Variants in CCSER1 observed in about 807,000 individuals in gnomAD.
CCSER1 encodes coiled-coil serine rich protein 1, also known as serine-rich coiled-coil domain-containing protein 1.
A neutral mutation model predicts 82.0 loss-of-function variants in CCSER1; 41 were observed. The ratio of observed to expected loss-of-function variants is 0.50; its 90% CI spans 0.39 to 0.65. CCSER1 has a LOEUF of 0.65. Among genes scored for constraint, CCSER1 ranks in the 30% least tolerant of loss-of-function variants. The pLI is 0.00. For synonymous variants in CCSER1, 414 were observed against 383.9 expected (o/e 1.08, Z -0.92); for missense variants, 1,119 against 1,064.2 (o/e 1.05, Z -0.72).
intron 5 of CCSER1, among the ~76,000 whole-genome samples, chr4:90,479,847 G>A (rs1765663426): frequency 6.6e-6 from 1 of 152,176 alleles, no homozygotes; most frequent in Non-Finnish European, 1.5e-5. Context: ...ACGTGTGCAT[G>A]TGTCTTTATA....
chr4:91,224,782 C>T (rs1442859842), intron 10 of CCSER1, among the ~76,000 whole-genome samples: 1 of 151,890 alleles, frequency 6.6e-6, no homozygotes, highest in Non-Finnish European at 1.5e-5. Context: ...TTTCCAAATT[C>T]CTATCATTTC....
chr4:90,512,238 A>C (rs1771625742), intron 5 of CCSER1, among the ~76,000 whole-genome samples: 1 of 149,456 alleles, frequency 6.7e-6, no homozygotes, highest in Non-Finnish European at 1.5e-5. Flanking sequence ...TCTACTCCAT[A>C]CCCCACTCCT....
At chr4:90,289,644 A>G (rs1026069274) in intron 1 of CCSER1, among the ~76,000 whole-genome samples, 2 of 151,926 alleles carry the variant, frequency 1.3e-5, no homozygotes, top group Non-Finnish European at 2.9e-5. Flanking sequence ...AAGTTTATTA[A>G]GAAAACACAG....
intron 1 of CCSER1, among the ~76,000 whole-genome samples, chr4:90,168,774 T>A (rs559393101): frequency 2.2e-5 from 3 of 134,200 alleles, no homozygotes; most frequent in Non-Finnish European, 1.5e-5. Context: ...TTGTCAAAGA[T>A]CAGATGGTTG....
chr4:90,899,739 A>G lies in CCSER1; in HGVS notation c.2095-23631A>G, dbSNP rs555615785. On this transcript the variant is annotated intron_variant, in intron 8 of 10. Coordinates refer to ENST00000509176, the MANE Select transcript of CCSER1 (RefSeq NM_001145065.2). ...GTTTTTTAAAAATTTTGTTTATGTG[A>G]TAAATCACGATGATTGATTTGCATA... Among the ~76,000 whole-genome samples, 12 of 152,150 alleles carry G rather than the reference A, an allele frequency of 7.9e-5. No individual in the cohort carries two copies. In the South Asian group the frequency reaches 2.5e-3, roughly 32 times the overall value.
chr4:90,534,772 T>C (rs1489189190), intron 5 of CCSER1, among the ~76,000 whole-genome samples: 1 of 152,148 alleles, frequency 6.6e-6, no homozygotes, highest in East Asian at 1.9e-4. Flanking sequence ...TACTATAGAG[T>C]ATTTTTGGAT....
At chr4:90,572,433 A>G (rs972622762) in intron 5 of CCSER1, among the ~76,000 whole-genome samples, 12 of 152,116 alleles carry the variant, frequency 7.9e-5, no homozygotes, top group African/African-American at 2.9e-4. Flanking sequence ...TTTCTATCCT[A>G]TTATGTTTCT....
intron 1 of CCSER1, among the ~76,000 whole-genome samples, chr4:90,195,611 A>T (rs931642678): frequency 6.6e-6 from 1 of 152,140 alleles, no homozygotes; most frequent in Non-Finnish European, 1.5e-5. Flanking sequence ...ACTCTGGGTG[A>T]TAATGATGTG....
intron 8 of CCSER1, among the ~76,000 whole-genome samples, chr4:90,918,064 A>G (rs1335994832): frequency 6.6e-6 from 1 of 152,058 alleles, no homozygotes; most frequent in Admixed American, 6.6e-5. Flanking sequence ...TTCTTTTGCA[A>G]ATTTTGGATA....
intron 3 of CCSER1, among the ~76,000 whole-genome samples, chr4:90,324,835 C>A (rs986010125): frequency 1.3e-5 from 2 of 152,004 alleles, no homozygotes; most frequent in African/African-American, 2.4e-5. Context: ...TCCATCTTGA[C>A]TTAATTTTTG....
At position 91,040,444 on chromosome 4, in the gene CCSER1, G is replaced by T. The variant is rs539375092; in HGVS notation, c.2173-45506G>T. 9.9e-5 allele frequency among the ~76,000 whole-genome samples: 15 copies of T among 152,210 alleles called. 1 individual carries two copies. The South Asian group carries it at 3.1e-3, about 32-fold the overall frequency. ...CTCACCAGAAACAGCTAATATTTTT[G>T]TACCAAACACTCTATACTGAGTGTA... On this transcript the variant is annotated intron_variant, in intron 9 of 10. Transcript: ENST00000509176.
chr4:91,523,564 T>C (rs1173386184), intron 10 of CCSER1, among the ~76,000 whole-genome samples: 1 of 152,172 alleles, frequency 6.6e-6, no homozygotes, highest in Non-Finnish European at 1.5e-5. Context: ...CTGTTATTGG[T>C]CTATTCAAGG....
At chr4:91,279,502 CTT>C (rs145068598) in intron 10 of CCSER1, among the ~76,000 whole-genome samples, 4,942 of 151,944 alleles carry the variant, frequency 0.033, 137 homozygotes, top group Non-Finnish European at 0.048. Flanking sequence ...AGTTCTGAAA[CTT>C]TTTCTTCTGC....
At chr4:90,638,280 G>C (rs1725805559) in intron 6 of CCSER1, among the ~76,000 whole-genome samples, 1 of 151,898 alleles carries the variant, frequency 6.6e-6, no homozygotes, top group Non-Finnish European at 1.5e-5. Flanking sequence ...TGTTGCACAG[G>C]TTTCCATGTT....
At chr4:91,159,420 C>T (rs1731151375) in intron 10 of CCSER1, among the ~76,000 whole-genome samples, 1 of 151,864 alleles carries the variant, frequency 6.6e-6, no homozygotes, top group Non-Finnish European at 1.5e-5. Flanking sequence ...AAAAATATCT[C>T]CAAAAATTAG....
chr4:90,625,107 C>T (rs545184160), intron 5 of CCSER1, among the ~76,000 whole-genome samples: 1 of 152,138 alleles, frequency 6.6e-6, no homozygotes, highest in Admixed American at 6.5e-5. Context: ...TTATATATCC[C>T]CAAGTGAACG....
In CCSER1 at chr4:90,278,063, CAAGCTTATGA is replaced by C. The variant is rs561274377; in HGVS notation, c.-41-30178_-41-30169del. 2.8e-3 allele frequency among the ~76,000 whole-genome samples: 428 copies of C among 152,158 alleles called. 3 individuals carry two copies. The highest frequency in any genetic ancestry group is 1.0e-2 in the African/African-American group (415 of 41,532). On this transcript the variant is annotated intron_variant, in intron 1 of 10. Coordinates refer to ENST00000509176, the MANE Select transcript of CCSER1 (RefSeq NM_001145065.2). ...CAAGAGAAGACTTACAATGGACCCACAAGCTTATGAAAAAATGCTCATCATCATCAATCAT... is the reference window on the plus strand; with the variant it reads ...CAAGAGAAGACTTACAATGGACCCACAAAAATGCTCATCATCATCAATCAT...
chr4:90,765,446 C>T (rs931430170), intron 7 of CCSER1, among the ~76,000 whole-genome samples: 18 of 152,174 alleles, frequency 1.2e-4, no homozygotes, highest in African/African-American at 3.9e-4. Context: ...ATTTGATAAA[C>T]AGGTATTTTA....
At chr4:90,489,355 T>G (rs1308878759) in intron 5 of CCSER1, among the ~76,000 whole-genome samples, 3 of 152,068 alleles carry the variant, frequency 2.0e-5, no homozygotes, top group African/African-American at 7.2e-5. Context: ...AGAGAACTAG[T>G]GTGCTATTTT....
Sources: allele counts gnomAD v4.1 joint callset (sites outside exome capture counted in the v4.1 genomes callset), GRCh38; gene constraint gnomAD v4.1.1; transcripts MANE v1.5; gene names NCBI Gene and HGNC (gene_info 2026-07-23, HGNC 2026-07-21).